PTPRR: variants seen among roughly 807,000 people sequenced by gnomAD.
PTPRR encodes the protein receptor-type tyrosine-protein phosphatase R.
Under a neutral mutation model 77.2 loss-of-function variants are expected in PTPRR, and 38 were observed. That is an observed-to-expected ratio of 0.49 (90% CI 0.38 to 0.65). The LOEUF is 0.65. PTPRR is among the 30% of genes least tolerant of loss of function. PTPRR has a pLI of 0.00. For missense variants in PTPRR, 744 were observed against 799.2 expected, an observed-to-expected ratio of 0.93 and a Z score of 0.83; for synonymous variants, 299 against 283.1, an observed-to-expected ratio of 1.06 and a Z score of -0.57.
chr12:70,845,306 A>C (rs10879203), intron 2 of PTPRR, among the ~76,000 whole-genome samples: 74,414 of 151,782 alleles, frequency 0.49, 18,585 homozygotes, highest in East Asian at 0.6. Context: ...TTAGGAAGGA[A>C]TTATCTTGAT....
At chr12:70,871,926 G>C (rs1434607098) in intron 2 of PTPRR, among the ~76,000 whole-genome samples, 1 of 152,170 alleles carries the variant, frequency 6.6e-6, no homozygotes, top group Admixed American at 6.6e-5. Flanking sequence ...ATAATGATGA[G>C]TGAAGACAGC....
chr12:70,789,995 C>T (rs985725913), intron 2 of PTPRR, among the ~76,000 whole-genome samples: 1 of 152,122 alleles, frequency 6.6e-6, no homozygotes, highest in Non-Finnish European at 1.5e-5. Flanking sequence ...TGAACATCAA[C>T]AGTAAAAAGG....
chr12:70,788,477 T>C lies in PTPRR; in HGVS notation c.358-23699A>G, dbSNP rs567528758. 1.1e-4 allele frequency among the ~76,000 whole-genome samples: 16 copies of C among 152,302 alleles called. No individual in the cohort carries two copies. In the South Asian group the frequency reaches 3.3e-3, roughly 32 times the overall value. On this transcript the variant is annotated intron_variant, in intron 2 of 13. Transcript: ENST00000283228. Reference sequence around the variant, plus strand: ...ACCACACTAAACAAAACAAAGAAAATATCTGCTCCACTCAATGTCTTTTAA... The same window carrying C: ...ACCACACTAAACAAAACAAAGAAAACATCTGCTCCACTCAATGTCTTTTAA...
At chr12:70,843,270 A>T (rs1207127515) in intron 2 of PTPRR, among the ~76,000 whole-genome samples, 1 of 152,222 alleles carries the variant, frequency 6.6e-6, no homozygotes, top group South Asian at 2.1e-4. Flanking sequence ...CTCTCTGGTT[A>T]TGGTTCCTCT....
intron 13 of PTPRR, among the ~76,000 whole-genome samples, chr12:70,649,876 T>C (rs1886332652): frequency 6.6e-6 from 1 of 152,032 alleles, no homozygotes; most frequent in Admixed American, 6.6e-5. Flanking sequence ...GCCGGGCCCT[T>C]TTCCTCTTTT....
At chr12:70,707,312 G>A (rs1039761754) in intron 6 of PTPRR, among the ~76,000 whole-genome samples, 4 of 151,688 alleles carry the variant, frequency 2.6e-5, no homozygotes, top group Non-Finnish European at 4.4e-5. Context: ...TGTCCTTCAA[G>A]TCCTTATATG....
chr12:70,697,366 T>C (rs1219264753), intron 8 of PTPRR, among the ~76,000 whole-genome samples: 1 of 152,178 alleles, frequency 6.6e-6, no homozygotes, highest in Non-Finnish European at 1.5e-5. Context: ...GTACATCTTC[T>C]AGGGAGAAAT....
chr12:70,858,307 T>C (rs1300389018), intron 2 of PTPRR, among the ~76,000 whole-genome samples: 1 of 152,174 alleles, frequency 6.6e-6, no homozygotes, highest in Non-Finnish European at 1.5e-5. Flanking sequence ...ATAAATCTCT[T>C]GCCCATCTAT....
chr12:70,777,113 C>T (rs1003762297), intron 2 of PTPRR, among the ~76,000 whole-genome samples: 1 of 151,782 alleles, frequency 6.6e-6, no homozygotes, highest in African/African-American at 2.4e-5. Context: ...ACATTTTGTT[C>T]CACAACTTGC....
In PTPRR at chr12:70,829,599, C is replaced by A. The variant is rs143734182; in HGVS notation, c.357+63080G>T. On this transcript the variant is annotated intron_variant, in intron 2 of 13. Coordinates refer to ENST00000283228, the MANE Select transcript of PTPRR (RefSeq NM_002849.4). ...TATTATTTGCCATAAGAAAATGCGT[C>A]CTTTGAAAAACCAAGGGATGTTATC... Among the ~76,000 whole-genome samples, 869 of 152,264 alleles carry A rather than the reference C, an allele frequency of 5.7e-3. 3 individuals carry two copies. The highest frequency in any genetic ancestry group is 7.7e-3 in the Non-Finnish European group (522 of 67,998).
At chr12:70,851,791 T>A (rs1414551548) in intron 2 of PTPRR, among the ~76,000 whole-genome samples, 5 of 152,206 alleles carry the variant, frequency 3.3e-5, no homozygotes, top group Non-Finnish European at 5.9e-5. Flanking sequence ...TATCCTGATG[T>A]CAGAGATATT....
intron 2 of PTPRR, among the ~76,000 whole-genome samples, chr12:70,822,162 C>A (rs1892027503): frequency 6.6e-6 from 1 of 152,138 alleles, no homozygotes; most frequent in South Asian, 2.1e-4. Flanking sequence ...AAAGGAAAGG[C>A]TGTATTGAAC....
intron 1 of PTPRR, among the ~76,000 whole-genome samples, chr12:70,918,705 T>C (rs1440570930): frequency 6.6e-6 from 1 of 152,206 alleles, no homozygotes; most frequent in Non-Finnish European, 1.5e-5. Context: ...TATATGTTAG[T>C]TTTGAAAAAA....
At chr12:70,835,699 CT>C (rs544593753) in intron 2 of PTPRR, among the ~76,000 whole-genome samples, 1 of 152,088 alleles carries the variant, frequency 6.6e-6, no homozygotes, top group Non-Finnish European at 1.5e-5. Flanking sequence ...TAGTTCCAAG[CT>C]TTCATGCTAG....
At chr12:70,762,752 A>T (rs529312862) in intron 3 of PTPRR, among the ~76,000 whole-genome samples, 1 of 152,208 alleles carries the variant, frequency 6.6e-6, no homozygotes, top group Non-Finnish European at 1.5e-5. Context: ...GCTTGCCCAC[A>T]TTCACATACA....
At chr12:70,805,556 T>C (rs989052791) in intron 2 of PTPRR, among the ~76,000 whole-genome samples, 2 of 152,210 alleles carry the variant, frequency 1.3e-5, no homozygotes, top group African/African-American at 4.8e-5. Flanking sequence ...AGATAGAGTC[T>C]GCCTATGTTG....
chr12:70,887,858 G>C (rs1216098831), intron 2 of PTPRR, among the ~76,000 whole-genome samples: 1 of 152,088 alleles, frequency 6.6e-6, no homozygotes, highest in Non-Finnish European at 1.5e-5. Flanking sequence ...AATGCTTCCT[G>C]AATGCATTGA....
intron 2 of PTPRR, among the ~76,000 whole-genome samples, chr12:70,852,015 A>G (rs1206007562): frequency 2.7e-4 from 41 of 152,136 alleles, no homozygotes; most frequent in Non-Finnish European, 2.9e-5. Flanking sequence ...TTAGGCTTTA[A>G]AGTTAGCTGT....
intron 8 of PTPRR, among the ~76,000 whole-genome samples, chr12:70,690,899 T>C (rs540507143): frequency 6.5e-4 from 99 of 152,288 alleles, no homozygotes; most frequent in African/African-American, 2.2e-3. Flanking sequence ...TTTGACCTGG[T>C]ACACTCTGAG....
Sources: allele counts gnomAD v4.1 joint callset (sites outside exome capture counted in the v4.1 genomes callset), GRCh38; gene constraint gnomAD v4.1.1; transcripts MANE v1.5; gene names NCBI Gene and HGNC (gene_info 2026-07-23, HGNC 2026-07-21).